The following AFF3 variants were observed in gnomAD, a reference collection of about 807,000 sequenced individuals.
AFF3 encodes the protein ALF transcription elongation factor 3, also known as AF4/FMR2 family member 3.
Under a neutral mutation model 129.7 loss-of-function variants are expected in AFF3, and 32 were observed. The observed-to-expected ratio is 0.25, with a 90% CI of 0.19 to 0.33. The LOEUF (loss-of-function observed/expected upper bound fraction) is 0.33, where lower values mean the gene tolerates loss of function less well. Among genes scored for constraint, AFF3 ranks in the 10% least tolerant of loss-of-function variants. The pLI is 1.00. For synonymous variants in AFF3, 644 were observed against 635.4 expected, an observed-to-expected ratio of 1.01 and a Z score of -0.20; for missense variants, 1,373 against 1,592.0, an observed-to-expected ratio of 0.86 and a Z score of 2.34.
At chr2:99,766,021 T>C (rs1031956606) in intron 8 of AFF3, among the ~76,000 whole-genome samples, 2 of 152,204 alleles carry the variant, frequency 1.3e-5, no homozygotes, top group East Asian at 1.9e-4. Flanking sequence ...CCTCATGCTA[T>C]AGACTACCCT....
intron 7 of AFF3, among the ~76,000 whole-genome samples, chr2:99,893,888 A>G (rs1693749742): frequency 6.6e-6 from 1 of 152,206 alleles, no homozygotes; most frequent in Non-Finnish European, 1.5e-5. Context: ...ACTTGAGTTT[A>G]CATCCCGTTC....
intron 11 of AFF3, among the ~76,000 whole-genome samples, chr2:99,723,883 C>T (rs1679120112): frequency 1.3e-5 from 2 of 152,086 alleles, no homozygotes; most frequent in African/African-American, 2.4e-5. Flanking sequence ...CAGAGATAGA[C>T]ATGCACAGAG....
intron 13 of AFF3, among the ~76,000 whole-genome samples, chr2:99,632,448 A>T (rs1179941754): frequency 6.6e-6 from 1 of 152,098 alleles, no homozygotes; most frequent in Non-Finnish European, 1.5e-5. Context: ...AGGAGGCACC[A>T]CCTGTAATTA....
chr2:99,591,860 G>C (rs1192374953), intron 15 of AFF3, among the ~76,000 whole-genome samples: 1 of 152,202 alleles, frequency 6.6e-6, no homozygotes, highest in Admixed American at 6.5e-5. Flanking sequence ...GGCTCTCTGA[G>C]CCTCTGTTCC....
intron 4 of AFF3, among the ~76,000 whole-genome samples, chr2:100,073,811 T>G (rs1231854368): frequency 2.6e-5 from 4 of 152,204 alleles, no homozygotes; most frequent in African/African-American, 9.7e-5. Context: ...TGTGAAAATT[T>G]TGTGTTGCAC....
At chr2:100,011,686 T>A (rs1377053972) in intron 4 of AFF3, 6 of 728,612 alleles carry the variant, frequency 8.2e-6, no homozygotes, top group Non-Finnish European at 1.5e-5. Flanking sequence ...GGGGAAAGAA[T>A]CCAAGATCCC....
chr2:99,763,950 C>T (rs932786498), intron 8 of AFF3, among the ~76,000 whole-genome samples: 2 of 152,196 alleles, frequency 1.3e-5, no homozygotes, highest in African/African-American at 2.4e-5. Flanking sequence ...CATTGCAGTG[C>T]CTGAGCTTCT....
At chr2:100,105,257 TG>T in intron 3 of AFF3, 1 of 1,122,946 alleles carries the variant, frequency 8.9e-7, no homozygotes, top group Non-Finnish European at 1.1e-6. Flanking sequence ...CGGACCCGGG[TG>T]GGTGCGGGGG....
chr2:99,617,406 A>G lies in AFF3; in HGVS notation c.1185-15785T>C, dbSNP rs182408489. On this transcript the variant is annotated intron_variant, in intron 13 of 24. Transcript: ENST00000672756. ...TTGATTTGGATTTCCCCAGAGGAAA[A>G]TGATGTTGAGTATCTTTTCATGTGC... 2.3e-4 allele frequency among the ~76,000 whole-genome samples: 35 copies of G among 152,328 alleles called. 1 individual carries two copies. The highest frequency in any genetic ancestry group is 2.2e-3 in the Admixed American group (33 of 15,304).
chr2:100,117,673 G>A (rs962634090), intron 2 of AFF3, among the ~76,000 whole-genome samples: 6 of 152,144 alleles, frequency 3.9e-5, no homozygotes, highest in South Asian at 2.1e-4. Context: ...TAGTTATTTC[G>A]AATTATGTGA....
intron 1 of AFF3, among the ~76,000 whole-genome samples, chr2:100,140,689 A>G (rs1692827849): frequency 6.6e-6 from 1 of 152,110 alleles, no homozygotes; most frequent in South Asian, 2.1e-4. Flanking sequence ...CCATGTGCCT[A>G]TTTCCTGGTT....
chr2:99,692,352 C>G (rs376495071), intron 11 of AFF3, among the ~76,000 whole-genome samples: 1 of 152,220 alleles, frequency 6.6e-6, no homozygotes, highest in South Asian at 2.1e-4. Flanking sequence ...CTGCTCTCCC[C>G]CTTCTTCAGC....
intron 11 of AFF3, among the ~76,000 whole-genome samples, chr2:99,695,568 T>C (rs951136046): frequency 2.8e-4 from 42 of 152,148 alleles, no homozygotes; most frequent in Non-Finnish European, 5.6e-4. Flanking sequence ...TGATTTTACA[T>C]GCATGCCCAC....
intron 12 of AFF3, among the ~76,000 whole-genome samples, chr2:99,671,691 T>C (rs1398569952): frequency 6.6e-6 from 1 of 152,148 alleles, no homozygotes; most frequent in Non-Finnish European, 1.5e-5. Context: ...AAAAATGACT[T>C]ATTAAAAAAA....
intron 4 of AFF3, among the ~76,000 whole-genome samples, chr2:100,065,692 T>C (rs1336718844): frequency 6.6e-6 from 1 of 152,230 alleles, no homozygotes; most frequent in Non-Finnish European, 1.5e-5. Flanking sequence ...CTTTTGCTGG[T>C]ATCTTATCCA....
intron 17 of AFF3, among the ~76,000 whole-genome samples, chr2:99,579,319 C>T (rs1042378180): frequency 9.9e-5 from 15 of 151,510 alleles, no homozygotes; most frequent in African/African-American, 3.6e-4. Flanking sequence ...GCAGGAGAAT[C>T]GCTTGAAACC....
chr2:99,833,285 C>T (rs1031796459), intron 8 of AFF3, among the ~76,000 whole-genome samples: 1 of 152,156 alleles, frequency 6.6e-6, no homozygotes, highest in African/African-American at 2.4e-5. Flanking sequence ...AAAATGAGTT[C>T]CCTTTATTTG....
In AFF3 at chr2:100,104,798, A is replaced by G. The variant is rs868237291; in HGVS notation, c.-64-280T>C. The G allele has an allele frequency of 4.2e-5, 26 of 616,562 alleles. No homozygotes were observed. The East Asian group carries it at 3.4e-3, about 81-fold the overall frequency. 38.2% of individuals were successfully genotyped at this position (616,562 alleles called of 1,614,324 possible). On this transcript the variant is annotated intron_variant, in intron 3 of 24. Transcript: ENST00000672756. Reference sequence around the variant, plus strand: ...TCGCGGCGGCCCGGCCCGCTGCTGCAGCCGCCGCCGCCGCCGCCGCCGCCG... The same window carrying G: ...TCGCGGCGGCCCGGCCCGCTGCTGCGGCCGCCGCCGCCGCCGCCGCCGCCG...
At chr2:99,645,204 T>C (rs1029184243) in intron 13 of AFF3, among the ~76,000 whole-genome samples, 2 of 152,066 alleles carry the variant, frequency 1.3e-5, no homozygotes, top group African/African-American at 2.4e-5. Context: ...GCATGGTGGC[T>C]ACCATGGCAC....
Sources: allele counts gnomAD v4.1 joint callset (sites outside exome capture counted in the v4.1 genomes callset), GRCh38; gene constraint gnomAD v4.1.1; transcripts MANE v1.5; gene names NCBI Gene and HGNC (gene_info 2026-07-23, HGNC 2026-07-21).